Variants in USP9X observed in about 807,000 individuals in gnomAD.
USP9X encodes ubiquitin carboxyl-terminal hydrolase 9X.
Under a neutral mutation model 190.3 loss-of-function variants are expected in USP9X, and 7 were observed. That is an observed-to-expected ratio of 0.04 (90% CI 0.02 to 0.07). USP9X has a LOEUF of 0.07. Among genes scored for constraint, USP9X ranks in the 10% least tolerant of loss-of-function variants. The pLI, the probability that USP9X is intolerant of heterozygous loss-of-function variation, is 1.00. For missense variants in USP9X, 1,010 were observed against 1,916.9 expected, an observed-to-expected ratio of 0.53 and a Z score of 8.83; for synonymous variants, 645 against 659.5, an observed-to-expected ratio of 0.98 and a Z score of 0.34.
At chrX:41,116,028 T>C (rs1431665678) in intron 1 of USP9X, among the ~76,000 whole-genome samples, 3 of 112,055 alleles carry the variant, frequency 2.7e-5, no homozygotes, top group African/African-American at 6.5e-5. Flanking sequence ...TTGCTGTTTA[T>C]GGAGTACTAG....
In USP9X at chrX:41,225,101, A is replaced by C; in HGVS notation, c.7025A>C (p.Gln2342Pro). 8.3e-7 allele frequency: 1 copy of C among 1,211,948 alleles called. No homozygotes were observed. Among genetic ancestry groups the C allele is most frequent in the Non-Finnish European group, 1.1e-6 (1 of 895,511 alleles). The change falls in exon 41 of 45, where the codon CAA becomes CCA. Residue 2342 changes from glutamine (Q) to proline (P), a missense_variant. By Grantham distance (76) the Gln-to-Pro change is moderately conservative (BLOSUM62 -1). This residue lies in a region of USP9X where 121 missense variants were observed against 281.2 expected (regional missense o/e 0.43). Transcript: ENST00000378308. Reference sequence around the variant, plus strand: ...CGGCCCTATTTGGATCTGCTTTTGCAAATCTTACTGATTGAGGACTCCTGG... The same window carrying C: ...CGGCCCTATTTGGATCTGCTTTTGCCAATCTTACTGATTGAGGACTCCTGG... ...ELRPYLDLLL[Q>P]ILLIEDSWQT...
intron 1 of USP9X, among the ~76,000 whole-genome samples, chrX:41,096,769 A>G (rs746003985): frequency 4.5e-5 from 5 of 110,999 alleles, no homozygotes; most frequent in Non-Finnish European, 7.6e-5. Flanking sequence ...CAGTTACCCA[A>G]CTCCCTGTGT....
At chrX:41,193,469 C>G (rs1224314903) in intron 26 of USP9X, among the ~76,000 whole-genome samples, 1 of 110,669 alleles carries the variant, frequency 9.0e-6, no homozygotes, top group African/African-American at 3.3e-5. Flanking sequence ...TTGAGACCAG[C>G]CTGGGCAACA....
chrX:41,180,365 T>G (rs2062815225), intron 21 of USP9X, among the ~76,000 whole-genome samples: 1 of 112,807 alleles, frequency 8.9e-6, no homozygotes, highest in East Asian at 2.8e-4. Flanking sequence ...GAATCCTTGA[T>G]CTTGTGATTG....
At chrX:41,171,064 T>C (rs1053033221) in intron 20 of USP9X, among the ~76,000 whole-genome samples, 4 of 111,958 alleles carry the variant, frequency 3.6e-5, no homozygotes, top group Non-Finnish European at 3.8e-5. Context: ...CCACATTTGA[T>C]TGGGAAAAAA....
chrX:41,163,770 G>T (rs1340290783), intron 15 of USP9X, among the ~76,000 whole-genome samples: 2 of 110,177 alleles, frequency 1.8e-5, no homozygotes, highest in African/African-American at 6.6e-5. Flanking sequence ...TAAATGAGAG[G>T]TTCCTTTTGA....
intron 3 of USP9X, among the ~76,000 whole-genome samples, 199 bp from the exon 4 acceptor site, chrX:41,131,258 G>A (rs1050207721): frequency 2.7e-5 from 3 of 111,290 alleles, no homozygotes; most frequent in African/African-American, 9.8e-5. Context: ...GACAGTACCT[G>A]TAAAAATTTG....
chrX:41,115,244 A>AAAAGAAAAAG (rs201847350), intron 1 of USP9X, among the ~76,000 whole-genome samples: 15 of 81,165 alleles, frequency 1.8e-4, no homozygotes, highest in East Asian at 1.1e-3. Context: ...AAGAAAAAGA[A>AAAAGAAAAAG]AAAAAAAAAA....
intron 14 of USP9X, among the ~76,000 whole-genome samples, chrX:41,160,408 T>A (rs1459589988): frequency 1.8e-5 from 2 of 110,463 alleles, no homozygotes; most frequent in African/African-American, 6.6e-5. Context: ...CATAAAGGCA[T>A]CTTATTTCTT....
chrX:41,224,287 T>C (rs900585756), intron 39 of USP9X, among the ~76,000 whole-genome samples: 8 of 111,732 alleles, frequency 7.2e-5, no homozygotes, highest in African/African-American at 2.6e-4. Context: ...TAATGCATAA[T>C]GTTACTTTCT....
chrX:41,231,046 A>C lies in USP9X; in HGVS notation c.7527+450A>C, dbSNP rs768261893. On this transcript the variant is annotated intron_variant, in intron 44 of 44. Coordinates refer to ENST00000378308, the MANE Select transcript of USP9X (RefSeq NM_001039591.3). ...AAAAAAAGGATTTGGGTAGATTTCC[A>C]TAGGTGATTAAAGTAAATAAACTAG... 8.0e-5 allele frequency among the ~76,000 whole-genome samples: 9 copies of C among 112,145 alleles called. No individual in the cohort carries two copies. The South Asian group carries it at 3.3e-3, about 42-fold the overall frequency.
intron 2 of USP9X, among the ~76,000 whole-genome samples, chrX:41,125,604 T>G (rs146355820): frequency 7.7e-4 from 79 of 102,367 alleles, no homozygotes; most frequent in Middle Eastern, 4.9e-3. Context: ...TAAAAACAAC[T>G]CTCTTGGCTT....
At chrX:41,157,602 C>G (rs2062590618) in intron 14 of USP9X, among the ~76,000 whole-genome samples, 1 of 111,418 alleles carries the variant, frequency 9.0e-6, no homozygotes. Flanking sequence ...TTCCCATAGT[C>G]ATATTTCTGT....
chrX:41,145,384 T>A (rs752895481), intron 11 of USP9X, among the ~76,000 whole-genome samples: 3 of 112,248 alleles, frequency 2.7e-5, no homozygotes, highest in Non-Finnish European at 5.6e-5. Context: ...AACTCATGCT[T>A]ATGTACACCA....
intron 38 of USP9X, among the ~76,000 whole-genome samples, chrX:41,222,897 C>G (rs185369451): frequency 9.0e-6 from 1 of 111,324 alleles, no homozygotes; most frequent in East Asian, 2.8e-4. Context: ...GGCGAGAGAG[C>G]GAGACTGTCT....
At chrX:41,182,742 T>C (rs1397983920) in intron 21 of USP9X, among the ~76,000 whole-genome samples, 4 of 110,747 alleles carry the variant, frequency 3.6e-5, no homozygotes, top group African/African-American at 9.8e-5. Flanking sequence ...TAAAATGATA[T>C]AGATGAATAT....
At chrX:41,187,734 T>C (rs942579339) in intron 24 of USP9X, among the ~76,000 whole-genome samples, 1 of 110,474 alleles carries the variant, frequency 9.1e-6, no homozygotes, top group Non-Finnish European at 1.9e-5. Context: ...GGTAGGAGGA[T>C]CTCTTGAGCC....
intron 1 of USP9X, among the ~76,000 whole-genome samples, chrX:41,109,931 T>G (rs1382106656): frequency 8.9e-6 from 1 of 112,025 alleles, no homozygotes; most frequent in African/African-American, 3.2e-5. Flanking sequence ...AAAGGCCACA[T>G]TTTAAAATAA....
At chrX:41,148,686 C>T (rs1340603845) in intron 12 of USP9X, 111 bp downstream of exon 12, 7 of 763,417 alleles carry the variant, frequency 9.2e-6, no homozygotes, top group Non-Finnish European at 1.3e-5. Context: ...AAATGATCTT[C>T]CGGAGTTGAC....
Sources: gnomAD v4.1 joint callset for allele counts (sites outside exome capture counted in the v4.1 genomes callset) on GRCh38, gnomAD v4.1.1 for gene constraint, gnomAD v4.1.1 regional missense constraint, MANE v1.5 for transcripts, NCBI Gene and HGNC (gene_info 2026-07-23, HGNC 2026-07-21) for gene names.